The following TRPM5 variants were observed in gnomAD, a reference collection of about 807,000 sequenced individuals.
The protein encoded by TRPM5 is MLSN1 and TRP-related.
TRPM5 carries 121 observed loss-of-function variants against 124.9 expected under a neutral mutation model. The ratio of observed to expected loss-of-function variants is 0.97; its 90% CI spans 0.84 to 1.13. The LOEUF (loss-of-function observed/expected upper bound fraction) is 1.13. Ranked by LOEUF, TRPM5 falls within the 50% of genes most tolerant of loss-of-function variation. The pLI, the probability that TRPM5 is intolerant of heterozygous loss-of-function variation, is 0.00. For synonymous variants in TRPM5, 781 were observed against 700.5 expected, an observed-to-expected ratio of 1.11 and a Z score of -1.81; for missense variants, 1,643 against 1,589.1, an observed-to-expected ratio of 1.03 and a Z score of -0.58.
chr11:2,430,753 T>C, the TRPM5 span, among the ~76,000 whole-genome samples: 7 of 148,956 alleles, frequency 4.7e-5, no homozygotes, highest in South Asian at 8.5e-4. Flanking sequence ...GTGTTGGTGG[T>C]GGTGGTTTTG....
the TRPM5 span, among the ~76,000 whole-genome samples, chr11:2,433,174 G>A: frequency 6.6e-6 from 1 of 152,240 alleles, no homozygotes; most frequent in Non-Finnish European, 1.5e-5. Flanking sequence ...TGTGAACAGA[G>A]GTAGAGGCCG....
rs112909064 is a variant in TRPM5 at position 2,408,638 on chromosome 11, A to G, written c.2783-726T>C. ...TCTCACTCCAGTCCCTTAAAACCAG[A>G]CCCTCACACCTGCTTCTCCCTTGTA... On this transcript the variant is annotated intron_variant, in intron 18 of 23. Coordinates refer to ENST00000155858, the Ensembl canonical transcript of TRPM5. Among the ~76,000 whole-genome samples the G allele has an allele frequency of 8.5e-3, 1,299 of 152,050 alleles. 22 individuals carry two copies. Among genetic ancestry groups the G allele is most frequent in the African/African-American group, 0.03 (1,228 of 41,468 alleles).
the TRPM5 span, among the ~76,000 whole-genome samples, chr11:2,430,807 CGGTGAT>C: frequency 1.2e-5 from 1 of 82,304 alleles, no homozygotes; most frequent in Non-Finnish European, 2.6e-5. Context: ...GTTTTGGTGG[CGGTGAT>C]GGTGATGGTG....
In TRPM5 at chr11:2,419,667, A is replaced by T. The variant is rs553784959; in HGVS notation, c.649+555T>A. 1.9e-3 allele frequency among the ~76,000 whole-genome samples: 292 copies of T among 151,962 alleles called. 1 individual carries two copies. The highest frequency in any genetic ancestry group is 6.7e-3 in the African/African-American group (278 of 41,460). ...AGAGGGCTCAGTTGGCCTTGCCAAG[A>T]AATTACAATTCTGTTTCTAAATATT... On this transcript the variant is annotated intron_variant, in intron 4 of 23. Transcript: ENST00000155858.
At chr11:2,439,003 G>C in the TRPM5 span, among the ~76,000 whole-genome samples, 1 of 152,172 alleles carries the variant, frequency 6.6e-6, no homozygotes, top group African/African-American at 2.4e-5. Context: ...GAACAGAATA[G>C]AGAGCCCAGA....
exon 23 of TRPM5, chr11:2,405,579 C>A: frequency 6.4e-7 from 1 of 1,564,144 alleles, no homozygotes; most frequent in African/African-American, 1.3e-5. Flanking sequence ...ACACGAGCAC[C>A]GAGCAGTAGT....
the TRPM5 span, among the ~76,000 whole-genome samples, chr11:2,443,375 G>A: frequency 5.3e-5 from 8 of 152,208 alleles, no homozygotes; most frequent in East Asian, 1.9e-4. The surrounding 1 kb of genome is among the most constrained non-coding windows in gnomAD (Gnocchi z 5.0). Flanking sequence ...TGCTGAATGC[G>A]TGCTGTGTGC....
At chr11:2,409,281 AC>A (rs1183170827) in intron 18 of TRPM5, among the ~76,000 whole-genome samples, 7 of 150,320 alleles carry the variant, frequency 4.7e-5, no homozygotes, top group East Asian at 2.0e-4. Flanking sequence ...CAGACTGATG[AC>A]CCCCTCTCCT....
At chr11:2,414,061 C>T in exon 12 of TRPM5, 1 of 1,562,924 alleles carries the variant, frequency 6.4e-7, no homozygotes, top group South Asian at 1.2e-5. Context: ...TGGCACTCAC[C>T]TGAACGCCGT....
chr11:2,415,523 A>T, intron 8 of TRPM5, 52 bp from the exon 14 acceptor site: 1 of 1,278,188 alleles, frequency 7.8e-7, no homozygotes, highest in East Asian at 2.5e-5. Context: ...TGAGCGAGAG[A>T]CAGGAGGAGG....
chr11:2,434,776 C>T, the TRPM5 span, among the ~76,000 whole-genome samples: 1 of 152,190 alleles, frequency 6.6e-6, no homozygotes, highest in South Asian at 2.1e-4. Flanking sequence ...GCAGGTGCAG[C>T]TGGAGCTTCA....
At chr11:2,410,722 A>C (rs942776151) in intron 18 of TRPM5, 17 of 455,120 alleles carry the variant, frequency 3.7e-5, no homozygotes, top group Non-Finnish European at 6.6e-5. Context: ...AGCCCCAGCC[A>C]GCTACAGGGG....
At position 2,415,234 on chromosome 11, in the gene TRPM5, CG is replaced by C; in HGVS notation, c.1365del (p.Ala456ArgfsTer55). On this transcript the variant is annotated frameshift_variant, in exon 9 of 24. Coordinates refer to ENST00000155858, the Ensembl canonical transcript of TRPM5. LOFTEE classifies it high-confidence loss of function. ...TGCAGGGAGAAGGCCGGTGGCCCCG[CG>C]GGTGGCTCCCGGGCCTGCTGGGTGC... The C allele has an allele frequency of 6.4e-7, 1 of 1,572,996 alleles. No homozygotes were observed. The highest frequency in any genetic ancestry group is 8.6e-7 in the Non-Finnish European group (1 of 1,162,558).
intron 18 of TRPM5, among the ~76,000 whole-genome samples, chr11:2,409,026 G>T (rs1399373825): frequency 6.6e-6 from 1 of 152,194 alleles, no homozygotes; most frequent in Non-Finnish European, 1.5e-5. Context: ...GGGTCTCCTT[G>T]TTCCCAGGTT....
chr11:2,413,737 T>A, intron 12 of TRPM5, 149 bp from the exon 18 acceptor site: 1 of 791,920 alleles, frequency 1.3e-6, no homozygotes, highest in Non-Finnish European at 2.1e-6. Context: ...CCCGTCCTGG[T>A]GGGCATGTGC....
chr11:2,409,400 C>A (rs1191303732), intron 18 of TRPM5, among the ~76,000 whole-genome samples: 3 of 152,154 alleles, frequency 2.0e-5, no homozygotes, highest in Non-Finnish European at 4.4e-5. Flanking sequence ...CCACACCCTC[C>A]CCGACTCTGT....
chr11:2,440,102 C>T, the TRPM5 span, among the ~76,000 whole-genome samples: 1 of 152,158 alleles, frequency 6.6e-6, no homozygotes, highest in Non-Finnish European at 1.5e-5. This position sits in a 1 kb window ranked among gnomAD's most constrained non-coding sequence, Gnocchi z 5.2. Flanking sequence ...ACCACATGTT[C>T]TCACTTATAA....
At chr11:2,431,721 G>A in the TRPM5 span, among the ~76,000 whole-genome samples, 3 of 149,302 alleles carry the variant, frequency 2.0e-5, no homozygotes, top group Non-Finnish European at 4.4e-5. Context: ...TCAGATCTCA[G>A]CTCTCATGTC....
chr11:2,404,247 G>A (rs1201689255), downstream of TRPM5, among the ~76,000 whole-genome samples: 1 of 152,178 alleles, frequency 6.6e-6, no homozygotes. Context: ...GGGGGGCCTG[G>A]GCAGGTGTTT....
Sources: allele counts gnomAD v4.1 joint callset (sites outside exome capture counted in the v4.1 genomes callset), GRCh38; gene constraint gnomAD v4.1.1; non-coding constraint Gnocchi (gnomAD v3.1); transcripts MANE v1.5; gene names NCBI Gene and HGNC (gene_info 2026-07-23, HGNC 2026-07-21).